PTPRN2: variants seen among roughly 807,000 people sequenced by gnomAD.
PTPRN2 encodes the protein receptor-type tyrosine-protein phosphatase N2.
PTPRN2 carries 74 observed loss-of-function variants against 118.8 expected under a neutral mutation model. That is an observed-to-expected ratio of 0.62 (90% CI 0.52 to 0.76). PTPRN2 has a LOEUF of 0.76. Ranked by LOEUF, PTPRN2 falls within the 30% of genes least tolerant of loss-of-function variation. The pLI, the probability that PTPRN2 is intolerant of heterozygous loss-of-function variation, is 0.00. For missense variants in PTPRN2, 1,481 were observed against 1,394.4 expected, an observed-to-expected ratio of 1.06 and a Z score of -0.99; for synonymous variants, 641 against 608.0, an observed-to-expected ratio of 1.05 and a Z score of -0.80.
intron 11 of PTPRN2, among the ~76,000 whole-genome samples, chr7:157,971,885 A>C (rs1427152216): frequency 6.6e-6 from 1 of 152,232 alleles, no homozygotes; most frequent in South Asian, 2.1e-4. Context: ...TACAGAAGCA[A>C]TTTTAAAATG....
chr7:157,796,584 C>T (rs1369640579), intron 12 of PTPRN2, among the ~76,000 whole-genome samples: 1 of 152,198 alleles, frequency 6.6e-6, no homozygotes, highest in Non-Finnish European at 1.5e-5. Context: ...TGGTATTAGT[C>T]CATTCTCCAT....
At chr7:157,942,630 G>A (rs912407915) in intron 11 of PTPRN2, among the ~76,000 whole-genome samples, 12 of 151,996 alleles carry the variant, frequency 7.9e-5, no homozygotes, top group African/African-American at 2.2e-4. Context: ...ACTTCTCCGC[G>A]TTCACCTGTA....
At chr7:158,008,276 T>G (rs567833402) in intron 11 of PTPRN2, among the ~76,000 whole-genome samples, 1 of 152,314 alleles carries the variant, frequency 6.6e-6, no homozygotes, top group East Asian at 1.9e-4. Flanking sequence ...CCACCAAAAT[T>G]TCTACTGATT....
At position 158,545,157 on chromosome 7, in the gene PTPRN2, A is replaced by AT. The variant is rs1826208877; in HGVS notation, c.112+42400dup. On this transcript the variant is annotated intron_variant, in intron 1 of 22. Coordinates refer to ENST00000389418, the MANE Select transcript of PTPRN2 (RefSeq NM_002847.5). Reference sequence around the variant, plus strand: ...TTCTGGACTTAGCTGGCTTTCACTGATTTTTTCTTTTTTGCTAAAAGGAAC... The same window carrying AT: ...TTCTGGACTTAGCTGGCTTTCACTGATTTTTTTCTTTTTTGCTAAAAGGAAC... Among the ~76,000 whole-genome samples the AT allele has an allele frequency of 1.1e-4, 17 of 152,204 alleles. No individual in the cohort carries two copies. The South Asian group carries it at 3.3e-3, about 30-fold the overall frequency.
chr7:158,232,394 A>G (rs1310773766), intron 3 of PTPRN2, among the ~76,000 whole-genome samples: 1 of 152,160 alleles, frequency 6.6e-6, no homozygotes, highest in Non-Finnish European at 1.5e-5. Context: ...AGATTGAACC[A>G]TGAAGAAATA....
At chr7:157,792,713 G>A (rs888037135) in intron 12 of PTPRN2, among the ~76,000 whole-genome samples, 2 of 152,206 alleles carry the variant, frequency 1.3e-5, no homozygotes, top group Non-Finnish European at 2.9e-5. Flanking sequence ...GGGGCCGGGG[G>A]TCTCTGCTCC....
At chr7:158,052,971 G>T (rs1357279981) in intron 11 of PTPRN2, among the ~76,000 whole-genome samples, 1 of 152,156 alleles carries the variant, frequency 6.6e-6, no homozygotes, top group East Asian at 1.9e-4. Flanking sequence ...GCTCCTGCTG[G>T]GGTCTGAGGC....
At chr7:157,604,934 C>A (rs1801911926) in intron 15 of PTPRN2, among the ~76,000 whole-genome samples, 1 of 152,240 alleles carries the variant, frequency 6.6e-6, no homozygotes, top group Non-Finnish European at 1.5e-5. Context: ...GGAGTGGAAG[C>A]CGCAAGAGCC....
At chr7:157,916,488 GTAATCCA>G (rs767430494) in intron 11 of PTPRN2, among the ~76,000 whole-genome samples, 58 of 152,254 alleles carry the variant, frequency 3.8e-4, no homozygotes, top group Non-Finnish European at 7.3e-4. Flanking sequence ...CTAATTACCT[GTAATCCA>G]TAAGACAGTG....
At chr7:157,789,270 C>T (rs907833596) in intron 12 of PTPRN2, among the ~76,000 whole-genome samples, 40 of 152,306 alleles carry the variant, frequency 2.6e-4, no homozygotes, top group African/African-American at 8.9e-4. Flanking sequence ...CTCTCCGCTC[C>T]CTCGAGAAGC....
intron 12 of PTPRN2, among the ~76,000 whole-genome samples, chr7:157,760,483 C>A (rs1354747202): frequency 6.6e-6 from 1 of 152,070 alleles, no homozygotes; most frequent in Non-Finnish European, 1.5e-5. Context: ...AGCAGCTGCT[C>A]CACAGAAGTG....
intron 12 of PTPRN2, among the ~76,000 whole-genome samples, chr7:157,862,169 G>A (rs553942451): frequency 9.8e-4 from 149 of 152,358 alleles, no homozygotes; most frequent in African/African-American, 3.4e-3. Flanking sequence ...GGACATGGCC[G>A]CATCAAGGAC....
intron 15 of PTPRN2, chr7:157,614,122 G>A (rs1295818347): frequency 2.1e-6 from 1 of 470,506 alleles, no homozygotes; most frequent in Middle Eastern, 3.2e-4. Flanking sequence ...GAAAAAGGAG[G>A]ACGGAGAGGA....
chr7:158,489,819 G>A, intron 1 of PTPRN2, 34 bp from the exon 2 acceptor site: 1 of 1,545,348 alleles, frequency 6.5e-7, no homozygotes, highest in Non-Finnish European at 8.7e-7. Context: ...GCGGTCAGCT[G>A]GAGGGGAGGA....
At chr7:158,434,894 C>T (rs939032835) in intron 2 of PTPRN2, among the ~76,000 whole-genome samples, 1 of 152,168 alleles carries the variant, frequency 6.6e-6, no homozygotes, top group African/African-American at 2.4e-5. Context: ...AAACTGGATA[C>T]ACACATGCAC....
intron 11 of PTPRN2, among the ~76,000 whole-genome samples, chr7:158,070,485 TGG>T: frequency 7.9e-6 from 1 of 126,306 alleles, no homozygotes; most frequent in African/African-American, 3.2e-5. Flanking sequence ...GAGGTGCTCC[TGG>T]TGGTGGAGGT....
At chr7:157,638,772 C>T (rs1563289464) in intron 14 of PTPRN2, among the ~76,000 whole-genome samples, 1 of 152,200 alleles carries the variant, frequency 6.6e-6, no homozygotes, top group African/African-American at 2.4e-5. Flanking sequence ...TCATCTGTCC[C>T]TCCCTGCAGC....
In PTPRN2 at chr7:157,562,744, G is replaced by T. The variant is rs1413616859; in HGVS notation, c.2902+6158C>A. On this transcript the variant is annotated intron_variant, in intron 21 of 22. Transcript: ENST00000389418. ...ACCACACACAGCAGATCAGGACCAC[G>T]TGCTCCCGCGTCACCACACACAGCA... Among the ~76,000 whole-genome samples, 3 of 144,180 alleles carry T rather than the reference G, an allele frequency of 2.1e-5. No homozygotes were observed. The South Asian group carries it at 6.6e-4, about 32-fold the overall frequency. 94.6% of individuals were successfully genotyped at this position (144,180 alleles called of 152,430 possible).
chr7:158,152,250 T>G (rs1475726680), intron 6 of PTPRN2, among the ~76,000 whole-genome samples: 1 of 149,578 alleles, frequency 6.7e-6, no homozygotes, highest in Non-Finnish European at 1.5e-5. Context: ...ACCCAGAGTA[T>G]GAAGGATCGG....
Sources: allele counts gnomAD v4.1 joint callset (sites outside exome capture counted in the v4.1 genomes callset), GRCh38; gene constraint gnomAD v4.1.1; transcripts MANE v1.5; gene names NCBI Gene and HGNC (gene_info 2026-07-23, HGNC 2026-07-21).